HDAC4: variants seen among roughly 807,000 people sequenced by gnomAD.
The protein encoded by HDAC4 is histone deacetylase 4.
Under a neutral mutation model 135.1 loss-of-function variants are expected in HDAC4, and 16 were observed. The ratio of observed to expected loss-of-function variants is 0.12; its 90% CI spans 0.08 to 0.18. HDAC4 has a LOEUF of 0.18. HDAC4 is among the 10% of genes least tolerant of loss of function. HDAC4 has a pLI of 1.00. For synonymous variants in HDAC4, 685 were observed against 653.4 expected, an observed-to-expected ratio of 1.05 and a Z score of -0.74; for missense variants, 1,143 against 1,511.8, an observed-to-expected ratio of 0.76 and a Z score of 4.05.
intron 22 of HDAC4, among the ~76,000 whole-genome samples, chr2:239,078,000 T>C (rs925169952): frequency 6.6e-6 from 1 of 152,184 alleles, no homozygotes; most frequent in Non-Finnish European, 1.5e-5. Context: ...TTTGATAAAC[T>C]TCGTAATATC....
chr2:239,104,047 G>A lies in HDAC4; in HGVS notation c.2113-1151C>T, dbSNP rs371300339. 3.5e-4 allele frequency among the ~76,000 whole-genome samples: 53 copies of A among 149,474 alleles called. 1 individual carries two copies. Among genetic ancestry groups the A allele is most frequent in the African/African-American group, 1.3e-3 (53 of 40,972 alleles). On this transcript the variant is annotated intron_variant, in intron 15 of 26. Transcript: ENST00000543185. Reference sequence around the variant, plus strand: ...AAGGTCTCTTGTTTAACAAAGAAAAGATGTGACACGGCTTCCGGTGGTAAA... The same window carrying A: ...AAGGTCTCTTGTTTAACAAAGAAAAAATGTGACACGGCTTCCGGTGGTAAA...
chr2:239,340,093 G>A (rs12478301), intron 2 of HDAC4, among the ~76,000 whole-genome samples: 1,863 of 152,288 alleles, frequency 0.012, 21 homozygotes, highest in Middle Eastern at 0.044. Flanking sequence ...TTCAGGCCAG[G>A]ATGGTCCCTG....
intron 11 of HDAC4, among the ~76,000 whole-genome samples, chr2:239,131,449 G>A (rs1332086977): frequency 6.6e-6 from 1 of 152,246 alleles, no homozygotes; most frequent in African/African-American, 2.4e-5. Flanking sequence ...TGCAGGAAAG[G>A]GCAGAACATG....
intron 4 of HDAC4, 60 bp downstream of exon 4, chr2:239,189,773 T>TCA (rs1444009988): frequency 6.6e-7 from 1 of 1,518,078 alleles, no homozygotes; most frequent in African/African-American, 1.4e-5. Context: ...AGGGCTGGAG[T>TCA]CACCGGGAGT....
chr2:239,246,618 G>C (rs982341029), intron 2 of HDAC4, among the ~76,000 whole-genome samples: 5 of 152,356 alleles, frequency 3.3e-5, no homozygotes, highest in African/African-American at 1.2e-4. Context: ...CTAAGGGCCG[G>C]AGAACAGCGT....
At chr2:239,283,564 C>G (rs1002539784) in intron 2 of HDAC4, among the ~76,000 whole-genome samples, 1 of 152,208 alleles carries the variant, frequency 6.6e-6, no homozygotes, top group Non-Finnish European at 1.5e-5. Flanking sequence ...AAAAGCCCTG[C>G]GAGCAGAGAA....
chr2:239,390,558 G>GAT lies in HDAC4; in HGVS notation c.-220+10418_-220+10419dup, dbSNP rs147029163. Reference sequence around the variant, plus strand: ...AACAAAGCAGGACTCTGTCTCAAAAGATATATATATATATTGGAAGCCACC... The same window carrying GAT: ...AACAAAGCAGGACTCTGTCTCAAAAGATATATATATATATATTGGAAGCCACC... On this transcript the variant is annotated intron_variant, in intron 1 of 26. Transcript: ENST00000543185. Among the ~76,000 whole-genome samples, 145 of 151,276 alleles carry GAT rather than the reference G, an allele frequency of 9.6e-4. 1 individual carries two copies. The highest frequency in any genetic ancestry group is 2.8e-3 in the African/African-American group (117 of 41,264).
intron 7 of HDAC4, among the ~76,000 whole-genome samples, chr2:239,145,206 C>T (rs867869826): frequency 5.9e-5 from 9 of 152,318 alleles, no homozygotes; most frequent in East Asian, 1.9e-4. Context: ...ATGGTGTCCA[C>T]GTTGCACACT....
At chr2:239,342,891 A>G (rs2125873879) in intron 2 of HDAC4, among the ~76,000 whole-genome samples, 1 of 152,304 alleles carries the variant, frequency 6.6e-6, no homozygotes, top group South Asian at 2.1e-4. Flanking sequence ...GGGGGCTCCC[A>G]AAGGCCTGGC....
In HDAC4 at chr2:239,120,395, G is replaced by GCACACACAGACGCACACAGACA. The variant is rs769025619; in HGVS notation, c.1534-5086_1534-5085insTGTCTGTGTGCGTCTGTGTGTG. On this transcript the variant is annotated intron_variant, in intron 12 of 26. Transcript: ENST00000543185. ...TATACCCGCAGAGGCACACACAGAC[G>GCACACACAGACGCACACAGACA]CACACAGACACACACACACAGACAC... 3.4e-5 allele frequency among the ~76,000 whole-genome samples: 5 copies of GCACACACAGACGCACACAGACA among 145,198 alleles called. No individual in the cohort carries two copies. In the South Asian group the frequency reaches 6.8e-4, roughly 20 times the overall value.
At chr2:239,268,651 G>C (rs563909215) in intron 2 of HDAC4, among the ~76,000 whole-genome samples, 1 of 152,298 alleles carries the variant, frequency 6.6e-6, no homozygotes, top group East Asian at 1.9e-4. Flanking sequence ...GGTAATCCCA[G>C]GTGACCACCC....
intron 6 of HDAC4, among the ~76,000 whole-genome samples, chr2:239,160,273 G>A (rs1227448517): frequency 1.3e-5 from 2 of 152,178 alleles, no homozygotes; most frequent in Non-Finnish European, 1.5e-5. Flanking sequence ...AGACACCGTA[G>A]GTCCTTTCTT....
At chr2:239,202,930 C>T (rs910322986) in intron 3 of HDAC4, among the ~76,000 whole-genome samples, 2 of 152,198 alleles carry the variant, frequency 1.3e-5, no homozygotes, top group African/African-American at 2.4e-5. Context: ...AAGGAAGGGC[C>T]TGTCCACGCC....
chr2:239,243,128 A>G (rs1399460547), intron 2 of HDAC4, among the ~76,000 whole-genome samples: 5 of 152,108 alleles, frequency 3.3e-5, no homozygotes, highest in African/African-American at 1.2e-4. Context: ...TATGAGCATA[A>G]AATGAGAATT....
intron 8 of HDAC4, 99 bp downstream of exon 8, chr2:239,144,484 G>A: frequency 3.4e-6 from 5 of 1,476,746 alleles, no homozygotes; most frequent in African/African-American, 1.4e-5. Flanking sequence ...GCGTGAGGCA[G>A]ACACGTGGGT....
At chr2:239,230,368 C>CAAAAAAAAAAAAAAAAAAAAA (rs56105562) in intron 3 of HDAC4, among the ~76,000 whole-genome samples, 1 of 79,394 alleles carries the variant, frequency 1.3e-5, no homozygotes, top group Non-Finnish European at 2.3e-5. Flanking sequence ...AGCAAGCAAG[C>CAAAAAAAAAAAAAAAAAAAAA]AAAAAAAAAA....
chr2:239,300,789 T>A (rs536167516), intron 2 of HDAC4, among the ~76,000 whole-genome samples: 15 of 152,218 alleles, frequency 9.9e-5, no homozygotes, highest in Admixed American at 2.0e-4. Flanking sequence ...TCCTTCTTTA[T>A]CCTCTTCCAT....
chr2:239,348,730 C>T (rs1365609254), intron 2 of HDAC4, among the ~76,000 whole-genome samples: 3 of 152,170 alleles, frequency 2.0e-5, no homozygotes, highest in East Asian at 3.9e-4. Flanking sequence ...GGGCAAGGGG[C>T]GTAAGGCTCC....
intron 1 of HDAC4, among the ~76,000 whole-genome samples, chr2:239,359,365 G>T (rs1575746785): frequency 1.3e-5 from 2 of 152,152 alleles, no homozygotes; most frequent in African/African-American, 4.8e-5. Flanking sequence ...ACTTTTACAC[G>T]CACAGCCAAG....
Sources: gnomAD v4.1 joint callset for allele counts (sites outside exome capture counted in the v4.1 genomes callset) on GRCh38, gnomAD v4.1.1 for gene constraint, MANE v1.5 for transcripts, NCBI Gene and HGNC (gene_info 2026-07-23, HGNC 2026-07-21) for gene names.